The following BCAS3 variants were observed in gnomAD, a reference collection of about 807,000 sequenced individuals.
BCAS3 encodes the protein BCAS3 microtubule associated cell migration factor.
BCAS3 carries 53 observed loss-of-function variants against 116.1 expected under a neutral mutation model. The ratio of observed to expected loss-of-function variants is 0.46; its 90% CI spans 0.37 to 0.57. BCAS3 has a LOEUF of 0.57. Among genes scored for constraint, BCAS3 ranks in the 20% least tolerant of loss-of-function variants. The pLI, the probability that BCAS3 is intolerant of heterozygous loss-of-function variation, is 0.00. For synonymous variants in BCAS3, 391 were observed against 408.2 expected, an observed-to-expected ratio of 0.96 and a Z score of 0.51; for missense variants, 917 against 1,165.4, an observed-to-expected ratio of 0.79 and a Z score of 3.10.
intron 7 of BCAS3, among the ~76,000 whole-genome samples, chr17:60,863,794 A>C (rs2054364522): frequency 6.6e-6 from 1 of 152,226 alleles, no homozygotes; most frequent in South Asian, 2.1e-4. Flanking sequence ...TCTTAAGTGT[A>C]TAATGGCATT....
At chr17:61,036,189 G>C (rs2067015256) in intron 17 of BCAS3, 1 of 152,120 alleles carries the variant, frequency 6.6e-6, no homozygotes, top group Admixed American at 6.6e-5. Flanking sequence ...TAATATTTTA[G>C]TATTATTAAA....
In BCAS3 at chr17:61,337,581, T is replaced by C. The variant is rs1228940867; in HGVS notation, c.2426-30746T>C. 1.3e-5 allele frequency among the ~76,000 whole-genome samples: 2 copies of C among 152,240 alleles called. No individual in the cohort carries two copies. The highest frequency in any genetic ancestry group is 1.9e-4 in the East Asian group (1 of 5,194). The stretch of plus-strand genomic sequence containing the variant: ...CTCGCCTTTGATTTGCCAAATTCCA[T>C]GTGAACAGCCTCTGCGTCTGTTACT... On this transcript the variant is annotated intron_variant, in intron 22 of 23. Transcript: ENST00000407086. This position sits in a 1 kb window ranked among gnomAD's most constrained non-coding sequence, Gnocchi z 4.8.
chr17:61,030,954 T>TA (rs2066592055), intron 16 of BCAS3, among the ~76,000 whole-genome samples: 1 of 151,896 alleles, frequency 6.6e-6, no homozygotes, highest in African/African-American at 2.4e-5. Flanking sequence ...TATAACCATT[T>TA]TAAAAAAAAA....
chr17:60,816,698 A>G (rs1386596178), intron 7 of BCAS3, among the ~76,000 whole-genome samples: 1 of 152,218 alleles, frequency 6.6e-6, no homozygotes, highest in East Asian at 1.9e-4. Flanking sequence ...TTATTTGAGA[A>G]TGTACATAAA....
At chr17:60,780,363 C>T (rs1204718808) in intron 6 of BCAS3, among the ~76,000 whole-genome samples, 1 of 150,868 alleles carries the variant, frequency 6.6e-6, no homozygotes, top group African/African-American at 2.4e-5. Context: ...GGAGCGATCT[C>T]GTGATCTTGT....
rs886715882 is a variant in BCAS3, at chr17:61,378,093, G to C, written c.2593+9599G>C. ...GTCCAGGCCTGCACATTGCACCCAG[G>C]CTCCTTGCCATCATGTTTCTGTCTC... On this transcript the variant is annotated intron_variant, in intron 23 of 23. Transcript: ENST00000407086. The surrounding 1 kb of genome is among the most constrained non-coding windows in gnomAD (Gnocchi z 5.8). 1 of 152,202 alleles carries C rather than the reference G, an allele frequency of 6.6e-6. No homozygotes were observed. Among genetic ancestry groups the C allele is most frequent in the Admixed American group, 6.5e-5 (1 of 15,270 alleles). The allele number at this position is 152,202 out of a possible 1,614,324, so 9.4% of individuals were successfully genotyped here. A position where few individuals can be genotyped will look rare whatever the true frequency, so the allele number is the denominator to read the frequency against.
At chr17:61,016,306 A>C (rs1002911895) in intron 16 of BCAS3, among the ~76,000 whole-genome samples, 1 of 152,222 alleles carries the variant, frequency 6.6e-6, no homozygotes, top group African/African-American at 2.4e-5. Context: ...CCATCTTTTT[A>C]GTACTTTGAA....
chr17:61,250,706 A>T (rs2048306538), intron 22 of BCAS3, among the ~76,000 whole-genome samples: 1 of 152,156 alleles, frequency 6.6e-6, no homozygotes, highest in Non-Finnish European at 1.5e-5. Context: ...TGCTGTGAGT[A>T]TGTGACCTAG....
chr17:60,910,381 AAGTC>A, intron 11 of BCAS3, 147 bp from the exon 12 acceptor site: 1 of 572,612 alleles, frequency 1.7e-6, no homozygotes, highest in Non-Finnish European at 2.8e-6. Context: ...AGATCATTAA[AAGTC>A]AGACTGAATG....
At chr17:60,846,968 C>T (rs901718714) in intron 7 of BCAS3, among the ~76,000 whole-genome samples, 6 of 152,088 alleles carry the variant, frequency 3.9e-5, no homozygotes, top group Non-Finnish European at 7.3e-5. Context: ...TTAAACAGTC[C>T]CTCCCCGTTT....
chr17:60,969,822 T>G (rs1432466061), intron 14 of BCAS3, among the ~76,000 whole-genome samples: 2 of 152,182 alleles, frequency 1.3e-5, no homozygotes, highest in South Asian at 4.1e-4. Context: ...AAGTACATTT[T>G]AACACACTAT....
chr17:60,923,975 TC>T (rs368789921), intron 12 of BCAS3, among the ~76,000 whole-genome samples: 2 of 152,170 alleles, frequency 1.3e-5, no homozygotes, highest in Middle Eastern at 6.8e-3. Context: ...TTATGTTGTT[TC>T]CCCCCCATTC....
Position 61,241,204 on chromosome 17 carries a change from A to G in BCAS3, c.2426-127123A>G, listed in dbSNP as rs1343694105. 1.3e-5 allele frequency among the ~76,000 whole-genome samples: 2 copies of G among 152,206 alleles called. No individual in the cohort carries two copies. Among genetic ancestry groups the G allele is most frequent in the Non-Finnish European group, 2.9e-5 (2 of 68,040 alleles). ...CTATTTGAATGTGATTGCAAAAGTC[A>G]GTGAGGACTCTGTTATTACTACGAA... is the stretch of plus-strand genomic sequence containing the variant. On this transcript the variant is annotated intron_variant, in intron 22 of 23. Transcript: ENST00000407086. This position sits in a 1 kb window ranked among gnomAD's most constrained non-coding sequence, Gnocchi z 4.6.
chr17:60,828,815 TA>T (rs1032631154), intron 7 of BCAS3, among the ~76,000 whole-genome samples: 30 of 152,320 alleles, frequency 2.0e-4, no homozygotes, highest in African/African-American at 7.2e-4. Flanking sequence ...CAGCTACTGT[TA>T]AATAATCCAG....
chr17:61,008,359 C>T lies in BCAS3; in HGVS notation c.1487-7392C>T, dbSNP rs2064866191. On this transcript the variant is annotated intron_variant, in intron 15 of 23. Transcript: ENST00000407086. This position sits in a 1 kb window ranked among gnomAD's most constrained non-coding sequence, Gnocchi z 4.6. The stretch of plus-strand genomic sequence containing the variant: ...ACACTCCCATCCCAACCAAAAATAA[C>T]CCACCTGCAGGAAATTCCCTTCTAC... 6.6e-6 allele frequency among the ~76,000 whole-genome samples: 1 copy of T among 151,818 alleles called. No individual in the cohort carries two copies. Among genetic ancestry groups the T allele is most frequent in the South Asian group, 2.1e-4 (1 of 4,814 alleles).
At chr17:60,976,842 T>C (rs1318755723) in intron 14 of BCAS3, among the ~76,000 whole-genome samples, 2 of 152,232 alleles carry the variant, frequency 1.3e-5, no homozygotes, top group African/African-American at 4.8e-5. Flanking sequence ...TACTTCTTTC[T>C]ACACAGACAC....
rs1600884621 is a variant in BCAS3 at position 61,063,251 on chromosome 17, A to G, written c.2030-11669A>G. On this transcript the variant is annotated intron_variant, in intron 19 of 23. Transcript: ENST00000407086. The surrounding 1 kb of genome is among the most constrained non-coding windows in gnomAD (Gnocchi z 5.3). Reference sequence around the variant, plus strand: ...AACAGTAAAGCCATGGTTTATTTACAGTTTTTTGTTTTTTTGTTGTTTTGG... The same window carrying G: ...AACAGTAAAGCCATGGTTTATTTACGGTTTTTTGTTTTTTTGTTGTTTTGG... Among the ~76,000 whole-genome samples, 1 of 149,660 alleles carries G rather than the reference A, an allele frequency of 6.7e-6. No individual in the cohort carries two copies. Among genetic ancestry groups the G allele is most frequent in the South Asian group, 2.1e-4 (1 of 4,768 alleles).
chr17:60,794,521 AT>A (rs2047047727), intron 6 of BCAS3, among the ~76,000 whole-genome samples: 1 of 152,166 alleles, frequency 6.6e-6, no homozygotes, highest in African/African-American at 2.4e-5. Context: ...ATCTCCTAGA[AT>A]TTTTATAGTT....
chr17:61,190,139 T>C (rs1236265783), intron 22 of BCAS3, among the ~76,000 whole-genome samples: 4 of 152,168 alleles, frequency 2.6e-5, no homozygotes, highest in Non-Finnish European at 5.9e-5. Context: ...TAGTCATTGC[T>C]TTATAACAGT....
Sources: allele counts gnomAD v4.1 joint callset (sites outside exome capture counted in the v4.1 genomes callset), GRCh38; gene constraint gnomAD v4.1.1; non-coding constraint Gnocchi (gnomAD v3.1); transcripts MANE v1.5; gene names NCBI Gene and HGNC (gene_info 2026-07-23, HGNC 2026-07-21).